FILIP1: variants seen among roughly 807,000 people sequenced by gnomAD.
FILIP1 encodes the protein filamin-A-interacting protein 1.
A neutral mutation model predicts 102.1 loss-of-function variants in FILIP1; 61 were observed. The ratio of observed to expected loss-of-function variants is 0.60; its 90% CI spans 0.49 to 0.74. The LOEUF is 0.74. Ranked by LOEUF, FILIP1 falls within the 30% of genes least tolerant of loss-of-function variation. The probability of loss-of-function intolerance (pLI) is 0.00; values close to 1 mark genes in which losing one functional copy is unlikely to be tolerated. For missense variants in FILIP1, 1,314 were observed against 1,441.2 expected (o/e 0.91, Z 1.43); for synonymous variants, 491 against 526.9 (o/e 0.93, Z 0.93).
chr6:75,314,928 C>A lies in FILIP1; in HGVS notation c.904G>T (p.Asp302Tyr). ...DRQKLLKLEVDFEHKASRFSQ... is the reference protein window; with the variant it reads ...DRQKLLKLEVYFEHKASRFSQ... ...AACCTCGAAGCCTTGTGTTCAAAGT[C>A]CACTTCTAACTTGAGCAATTTCTGT... Residue 302 changes from aspartate (D) to tyrosine (Y), a missense_variant, in exon 5 of 6, where the codon GAC becomes TAC. Coordinates refer to ENST00000237172, the MANE Select transcript of FILIP1 (RefSeq NM_015687.5). 1 of 1,614,138 alleles carries A rather than the reference C, an allele frequency of 6.2e-7. No individual in the cohort carries two copies. Among genetic ancestry groups the A allele is most frequent in the Non-Finnish European group, 8.5e-7 (1 of 1,180,018 alleles).
chr6:75,325,423 AAAAAC>A (rs1214755558), intron 4 of FILIP1, among the ~76,000 whole-genome samples: 5 of 152,210 alleles, frequency 3.3e-5, no homozygotes, highest in East Asian at 3.9e-4. Flanking sequence ...CTCTGTCTCA[AAAAAC>A]AAAACAAAAC....
At chr6:75,412,875 C>T (rs1777125417) in intron 2 of FILIP1, among the ~76,000 whole-genome samples, 1 of 152,132 alleles carries the variant, frequency 6.6e-6, no homozygotes, top group South Asian at 2.1e-4. Context: ...CTCTTCACTG[C>T]CTCCCACATA....
intron 1 of FILIP1, among the ~76,000 whole-genome samples, chr6:75,440,039 A>G (rs1416459159): frequency 4.6e-5 from 7 of 152,240 alleles, no homozygotes; most frequent in Non-Finnish European, 7.3e-5. Flanking sequence ...TTAATATATA[A>G]GTCAATATTT....
At chr6:75,408,847 C>A (rs1776960225) in intron 2 of FILIP1, among the ~76,000 whole-genome samples, 1 of 152,180 alleles carries the variant, frequency 6.6e-6, no homozygotes, top group South Asian at 2.1e-4. Context: ...CCAAAGCCTG[C>A]ACTGTTACAC....
At chr6:75,435,114 C>T (rs1178917830) in intron 1 of FILIP1, among the ~76,000 whole-genome samples, 2 of 151,998 alleles carry the variant, frequency 1.3e-5, no homozygotes, top group African/African-American at 4.8e-5. Context: ...ATTTTTGCAT[C>T]TCTGTTCATC....
At chr6:75,300,479 C>T (rs1445580061) in intron 6 of FILIP1, among the ~76,000 whole-genome samples, 1 of 152,160 alleles carries the variant, frequency 6.6e-6, no homozygotes, top group Non-Finnish European at 1.5e-5. Flanking sequence ...AACAACTTGT[C>T]CACTGCAAAA....
chr6:75,450,634 A>G (rs370273508), intron 1 of FILIP1, among the ~76,000 whole-genome samples: 24 of 149,786 alleles, frequency 1.6e-4, no homozygotes, highest in African/African-American at 5.4e-4. Context: ...ACAGAATAAG[A>G]ACTTCTCTCT....
At chr6:75,434,613 T>C (rs1252289789) in intron 1 of FILIP1, among the ~76,000 whole-genome samples, 2 of 152,234 alleles carry the variant, frequency 1.3e-5, no homozygotes, top group Non-Finnish European at 2.9e-5. Flanking sequence ...TTTCTAAATA[T>C]ACAATCATGT....
chr6:75,303,346 T>C (rs1190868178), downstream of FILIP1, among the ~76,000 whole-genome samples: 1 of 152,114 alleles, frequency 6.6e-6, no homozygotes, highest in African/African-American at 2.4e-5. Flanking sequence ...AGCCAGCTTG[T>C]AGAGCAGGAA....
chr6:75,350,267 T>C (rs73751826), intron 4 of FILIP1, among the ~76,000 whole-genome samples: 4,038 of 152,160 alleles, frequency 0.027, 195 homozygotes, highest in African/African-American at 0.092. Context: ...TTTTAAAACA[T>C]AAAGTGGTGT....
At chr6:75,319,463 T>G (rs1773565871) in intron 4 of FILIP1, 3 of 606,892 alleles carry the variant, frequency 4.9e-6, no homozygotes, top group Middle Eastern at 5.0e-4. Flanking sequence ...ATGGGCCTTG[T>G]CCGCCTTTGC....
chr6:75,442,627 GCC>G (rs1778305914), intron 1 of FILIP1, among the ~76,000 whole-genome samples: 1 of 152,082 alleles, frequency 6.6e-6, no homozygotes, highest in Non-Finnish European at 1.5e-5. Flanking sequence ...GGCAGCGCGC[GCC>G]TGCAATCGCA....
intron 1 of FILIP1, among the ~76,000 whole-genome samples, chr6:75,445,717 T>C (rs1257900900): frequency 2.6e-5 from 4 of 152,192 alleles, no homozygotes; most frequent in Admixed American, 6.5e-5. Flanking sequence ...TGAATTTCTA[T>C]AGTCTATATA....
chr6:75,393,555 T>A (rs1776355656), intron 2 of FILIP1, among the ~76,000 whole-genome samples: 1 of 152,148 alleles, frequency 6.6e-6, no homozygotes, highest in South Asian at 2.1e-4. Context: ...TAAAACAATA[T>A]GGTACCAGAG....
intron 4 of FILIP1, among the ~76,000 whole-genome samples, chr6:75,341,197 G>A (rs1237960819): frequency 6.7e-6 from 1 of 149,842 alleles, no homozygotes; most frequent in Middle Eastern, 3.5e-3. Context: ...GTCTCACTCT[G>A]TTACCCAGGC....
chr6:75,311,749 A>C (rs1361289871), intron 5 of FILIP1, among the ~76,000 whole-genome samples: 4 of 152,166 alleles, frequency 2.6e-5, no homozygotes, highest in African/African-American at 9.7e-5. Flanking sequence ...CACCTGCCTC[A>C]GCCTCCCAAA....
At chr6:75,299,552 A>G (rs1262787909) in intron 6 of FILIP1, among the ~76,000 whole-genome samples, 1 of 152,198 alleles carries the variant, frequency 6.6e-6, no homozygotes, top group Non-Finnish European at 1.5e-5. Flanking sequence ...GAACATATAC[A>G]TATGAGACAC....
chr6:75,488,806 C>G (rs971568770), intron 1 of FILIP1, among the ~76,000 whole-genome samples: 1 of 152,070 alleles, frequency 6.6e-6, no homozygotes, highest in African/African-American at 2.4e-5. Flanking sequence ...GTTAAGTATA[C>G]AGAATATTAA....
chr6:75,414,674 C>G, intron 2 of FILIP1, 23 bp downstream of exon 2: 1 of 1,603,064 alleles, frequency 6.2e-7, no homozygotes, highest in Admixed American at 1.7e-5. Context: ...GACACAATAA[C>G]AGTTGGGAAA....
Sources: allele counts gnomAD v4.1 joint callset (sites outside exome capture counted in the v4.1 genomes callset), GRCh38; gene constraint gnomAD v4.1.1; transcripts MANE v1.5; gene names NCBI Gene and HGNC (gene_info 2026-07-23, HGNC 2026-07-21).